ROCK1: variants seen among roughly 807,000 people sequenced by gnomAD.
ROCK1 encodes the protein Rho associated coiled-coil containing protein kinase 1.
In ROCK1, 36 loss-of-function variants were observed where a neutral mutation model predicts 196.8. The observed-to-expected ratio is 0.18, with a 90% CI of 0.14 to 0.24. The LOEUF (loss-of-function observed/expected upper bound fraction) is 0.24. ROCK1 is among the 10% of genes least tolerant of loss of function. The pLI, the probability that ROCK1 is intolerant of heterozygous loss-of-function variation, is 1.00. For synonymous variants in ROCK1, 443 were observed against 515.9 expected (o/e 0.86, Z 1.91); for missense variants, 920 against 1,562.0 (o/e 0.59, Z 6.93).
chr18:21,014,890 A>C (rs1337733386), intron 13 of ROCK1, among the ~76,000 whole-genome samples: 1 of 152,226 alleles, frequency 6.6e-6, no homozygotes, highest in Non-Finnish European at 1.5e-5. Flanking sequence ...GTTGACTAAG[A>C]GGAATGGAAA....
chr18:21,097,135 G>A (rs1188605195), intron 1 of ROCK1, among the ~76,000 whole-genome samples: 2 of 152,088 alleles, frequency 1.3e-5, no homozygotes, highest in Non-Finnish European at 2.9e-5. Context: ...GTCTATTTTG[G>A]GAAATGCTGG....
chr18:21,070,727 G>A (rs1406146101), intron 1 of ROCK1, 114 bp from the exon 2 acceptor site: 7 of 620,838 alleles, frequency 1.1e-5, no homozygotes, highest in Non-Finnish European at 1.8e-5. Context: ...CACATCTTGT[G>A]TACATTTAAC....
At chr18:21,029,212 G>A (rs1598534639) in intron 9 of ROCK1, among the ~76,000 whole-genome samples, 1 of 152,094 alleles carries the variant, frequency 6.6e-6, no homozygotes, top group Admixed American at 6.6e-5. Flanking sequence ...TATTACTAAG[G>A]TTTGTTTTAG....
At chr18:20,959,218 AT>A (rs1196589613) in intron 29 of ROCK1, among the ~76,000 whole-genome samples, 8 of 92,876 alleles carry the variant, frequency 8.6e-5, no homozygotes, top group East Asian at 2.9e-4. Context: ...TAATATATAT[AT>A]TTTTTTTTTG....
intron 1 of ROCK1, among the ~76,000 whole-genome samples, 189 bp downstream of exon 1, chr18:21,110,629 C>T (rs2036742585): frequency 6.6e-6 from 1 of 152,138 alleles, no homozygotes; most frequent in African/African-American, 2.4e-5. Context: ...AGTACAGAGC[C>T]AGTCAAATGG....
At chr18:21,063,552 AAGG>A (rs755452647) in intron 2 of ROCK1, among the ~76,000 whole-genome samples, 1 of 152,180 alleles carries the variant, frequency 6.6e-6, no homozygotes, top group Non-Finnish European at 1.5e-5. Context: ...GTAAGGAAAC[AAGG>A]AGGAGAGGTG....
rs761178804 is a variant in ROCK1 at position 21,049,077 on chromosome 18, G to A, written c.414+15C>T. On this transcript the variant is annotated intron_variant, in intron 4 of 32. Coordinates refer to ENST00000399799, the MANE Select transcript of ROCK1 (RefSeq NM_005406.3). ...AAACTAATGCAGCAATAATGAAAGA[G>A]TAGCAAAGTCATACCTGAACAACCC... 8 of 1,567,862 alleles carry A rather than the reference G, an allele frequency of 5.1e-6. No individual in the cohort carries two copies. Among genetic ancestry groups the A allele is most frequent in the Non-Finnish European group, 6.9e-6 (8 of 1,156,490 alleles).
chr18:21,022,887 C>T (rs985733076), intron 11 of ROCK1, among the ~76,000 whole-genome samples: 5 of 151,746 alleles, frequency 3.3e-5, no homozygotes, highest in African/African-American at 1.2e-4. Flanking sequence ...TATATGTATG[C>T]AATGGAATAT....
In ROCK1 at chr18:20,987,088, T is replaced by C; in HGVS notation, c.2166A>G (p.Glu722=). 2 of 1,611,812 alleles carry C rather than the reference T, an allele frequency of 1.2e-6. No homozygotes were observed. The highest frequency in any genetic ancestry group is 2.7e-5 in the African/African-American group (2 of 74,922). The part of the protein sequence containing the change: ...AMCEMEKKLK[E]EREAREKAEN... ...CAGCCTTCTCTCGAGCTTCTCTTTCTTCTTTCAGCTTTTTTTCCATCTCTG... is the reference window on the plus strand; with the variant it reads ...CAGCCTTCTCTCGAGCTTCTCTTTCCTCTTTCAGCTTTTTTTCCATCTCTG... The change falls in exon 19 of 33, where the codon GAA becomes GAG. Residue 722 remains glutamate, a synonymous_variant. Transcript: ENST00000399799.
intron 1 of ROCK1, among the ~76,000 whole-genome samples, chr18:21,082,335 T>C (rs969467139): frequency 2.0e-5 from 3 of 152,312 alleles, no homozygotes; most frequent in Admixed American, 2.0e-4. Context: ...ACTCATTCTA[T>C]GAGTGCAGCA....
intron 22 of ROCK1, among the ~76,000 whole-genome samples, chr18:20,976,010 T>C (rs2035477066): frequency 6.6e-6 from 1 of 152,208 alleles, no homozygotes; most frequent in Admixed American, 6.5e-5. Context: ...TGTTGGTAGC[T>C]TATTGGTTTC....
At chr18:21,042,857 T>C in intron 6 of ROCK1, 148 bp from the exon 7 acceptor site, 1 of 672,704 alleles carries the variant, frequency 1.5e-6, no homozygotes, top group Non-Finnish European at 2.5e-6. Context: ...CTGACAAAAA[T>C]TAACACAGCT....
intron 18 of ROCK1, among the ~76,000 whole-genome samples, chr18:20,989,032 A>C (rs2035600675): frequency 2.0e-5 from 3 of 152,148 alleles, no homozygotes. Context: ...TGTCAACTTA[A>C]AGATTCTATA....
At chr18:20,959,810 C>T (rs376405762) in intron 29 of ROCK1, 30 bp downstream of exon 29, 4 of 1,189,964 alleles carry the variant, frequency 3.4e-6, no homozygotes, top group African/African-American at 1.6e-5. Context: ...AGCTCTCAAC[C>T]CCTTTAAAAT....
intron 1 of ROCK1, among the ~76,000 whole-genome samples, chr18:21,100,631 G>A (rs1341543019): frequency 2.0e-5 from 3 of 151,742 alleles, no homozygotes; most frequent in Non-Finnish European, 4.4e-5. Flanking sequence ...AATAAATGTT[G>A]GTTATGTCTT....
intron 9 of ROCK1, among the ~76,000 whole-genome samples, chr18:21,034,199 AAC>A (rs1187136206): frequency 6.6e-6 from 1 of 152,196 alleles, no homozygotes; most frequent in Non-Finnish European, 1.5e-5. Flanking sequence ...TGGAAAAGAT[AAC>A]ATTGTTAAGA....
chr18:21,077,863 AT>A (rs1418018790), intron 1 of ROCK1, among the ~76,000 whole-genome samples: 2 of 152,172 alleles, frequency 1.3e-5, no homozygotes, highest in Admixed American at 1.3e-4. Context: ...TTTGGTATGT[AT>A]TGGAGCATCT....
chr18:20,954,696 G>A, intron 31 of ROCK1, 87 bp downstream of exon 31: 1 of 1,291,604 alleles, frequency 7.7e-7, no homozygotes, highest in East Asian at 2.4e-5. Flanking sequence ...TTTTCAACTT[G>A]GTATAGAAAT....
At chr18:20,989,362 A>G (rs1220994873) in intron 18 of ROCK1, among the ~76,000 whole-genome samples, 1 of 152,228 alleles carries the variant, frequency 6.6e-6, no homozygotes, top group Admixed American at 6.5e-5. Flanking sequence ...TAGTGAGAAT[A>G]AAGAATAAGA....
Sources: allele counts gnomAD v4.1 joint callset (sites outside exome capture counted in the v4.1 genomes callset), GRCh38; gene constraint gnomAD v4.1.1; transcripts MANE v1.5; gene names NCBI Gene and HGNC (gene_info 2026-07-23, HGNC 2026-07-21).